The following PIP5K1C variants were observed in gnomAD, a reference collection of about 807,000 sequenced individuals.
PIP5K1C encodes phosphatidylinositol-4-phosphate 5-kinase type 1 gamma, also known as phosphatidylinositol 4-phosphate 5-kinase type-1 gamma.
PIP5K1C carries 45 observed loss-of-function variants against 80.1 expected under a neutral mutation model. The observed-to-expected ratio is 0.56, with a 90% CI of 0.44 to 0.72. The LOEUF is 0.72. PIP5K1C is among the 30% of genes least tolerant of loss of function. The pLI is 0.00. For synonymous variants in PIP5K1C, 498 were observed against 420.1 expected (o/e 1.19, Z -2.27); for missense variants, 753 against 954.6 (o/e 0.79, Z 2.78).
intron 16 of PIP5K1C, among the ~76,000 whole-genome samples, chr19:3,635,376 A>C (rs940241570): frequency 6.6e-6 from 1 of 152,006 alleles, no homozygotes; most frequent in Non-Finnish European, 1.5e-5. Context: ...GCGAAACCCT[A>C]TCTCTACTAA....
At position 3,687,318 on chromosome 19, in the gene PIP5K1C, C is replaced by T. The variant is rs535527012; in HGVS notation, c.94+12979G>A. On this transcript the variant is annotated intron_variant, in intron 1 of 17. Coordinates refer to ENST00000335312, the MANE Select transcript of PIP5K1C (RefSeq NM_012398.3). ...CGGAGGTTGCAGTGAGCCGAGACTG[C>T]GCCACTGCACTCCAGCCTGGGTGGC... Among the ~76,000 whole-genome samples, 14 of 150,996 alleles carry T rather than the reference C, an allele frequency of 9.3e-5. No homozygotes were observed. In the East Asian group the frequency reaches 1.4e-3, roughly 15 times the overall value.
intron 1 of PIP5K1C, among the ~76,000 whole-genome samples, chr19:3,697,404 G>C (rs1431941903): frequency 7.1e-5 from 10 of 141,242 alleles, no homozygotes; most frequent in Admixed American, 5.8e-4. Flanking sequence ...AGCTGGACCG[G>C]GGAGTACTCA....
chr19:3,681,232 CTT>C (rs532928248), intron 1 of PIP5K1C, among the ~76,000 whole-genome samples: 22 of 139,852 alleles, frequency 1.6e-4, no homozygotes, highest in Admixed American at 2.9e-4. Flanking sequence ...ACCCTGTCCA[CTT>C]TTTTTTTTTT....
rs1454019411 is a variant in PIP5K1C, at chr19:3,642,946, A to T, written c.1650-7T>A. On this transcript the variant is annotated splice_region_variant and splice_polypyrimidine_tract_variant and intron_variant, in intron 13 of 17. Transcript: ENST00000335312. The stretch of plus-strand genomic sequence containing the variant: ...AGACGACTGTGTGCGCCGCCTGCAG[A>T]GATACAGCAAACACGTGACACCCAG... 6.2e-7 allele frequency: 1 copy of T among 1,613,466 alleles called. No homozygotes were observed. The highest frequency in any genetic ancestry group is 1.1e-5 in the South Asian group (1 of 91,072).
At chr19:3,679,626 G>A (rs1423542052) in intron 1 of PIP5K1C, among the ~76,000 whole-genome samples, 1 of 152,176 alleles carries the variant, frequency 6.6e-6, no homozygotes, top group Non-Finnish European at 1.5e-5. Context: ...GGCTGGATCT[G>A]GGAGATCCAG....
intron 7 of PIP5K1C, 113 bp downstream of exon 7, chr19:3,653,177 A>G (rs1392279067): frequency 5.5e-6 from 5 of 916,254 alleles, no homozygotes; most frequent in Non-Finnish European, 8.4e-6. Flanking sequence ...TGTAGGCTGC[A>G]GGGCAGGTGG....
Position 3,641,800 on chromosome 19 carries a change from C to T in PIP5K1C, c.1692G>A (p.Glu564=), listed in dbSNP as rs2033973217. 3 of 1,611,586 alleles carry T rather than the reference C, an allele frequency of 1.9e-6. No homozygotes were observed. Among genetic ancestry groups the T allele is most frequent in the Non-Finnish European group, 8.5e-7 (1 of 1,179,874 alleles). The change falls in exon 15 of 18, where the codon GAG becomes GAA. Residue 564 remains glutamate (E), a synonymous_variant. Coordinates refer to ENST00000335312, the MANE Select transcript of PIP5K1C (RefSeq NM_012398.3). ...QSSGQDGRPQ[E]EPPAEEDLQQ... ...GCAGATCCTCTTCCGCGGGTGGCTC[C>T]TCCTGCGGCCTGCAGGCAATGGGAG...
At chr19:3,678,856 G>A (rs573197281) in intron 1 of PIP5K1C, among the ~76,000 whole-genome samples, 25 of 144,982 alleles carry the variant, frequency 1.7e-4, no homozygotes, top group East Asian at 4.3e-4. Context: ...AGGGATGGAG[G>A]GATGGCGGGA....
In PIP5K1C at chr19:3,645,974, A is replaced by G. The variant is rs1568318774; in HGVS notation, c.1345T>C (p.Ser449Pro). The part of the protein sequence containing the change: ...MSNTVFRKNS[S>P]LKSSPSKKGR... The stretch of plus-strand genomic sequence containing the variant: ...GCCTTGCGGGGCTCAGGTGGCTTAC[A>G]GGAGTTCTTCCGAAAGACCGTGTTG... The change falls in exon 11 of 18, where the codon TCC becomes CCC. Residue 449 changes from serine to proline, a missense_variant and splice_region_variant. By Grantham distance (74) the Ser-to-Pro change is moderately conservative. Around this residue, in one of 6 missense-constraint regions of PIP5K1C, gnomAD observed 114 missense variants for 152.4 expected, o/e 0.75. Coordinates refer to ENST00000335312, the MANE Select transcript of PIP5K1C (RefSeq NM_012398.3). 16 of 1,612,322 alleles carry G rather than the reference A, an allele frequency of 9.9e-6. No individual in the cohort carries two copies. Among genetic ancestry groups the G allele is most frequent in the East Asian group, 2.2e-5 (1 of 44,856 alleles).
intron 7 of PIP5K1C, among the ~76,000 whole-genome samples, chr19:3,652,951 G>C (rs2034503981): frequency 2.6e-5 from 4 of 152,182 alleles, no homozygotes; most frequent in African/African-American, 7.2e-5. Flanking sequence ...ACCCCCAAGG[G>C]CTGGGTCTGG....
chr19:3,694,312 G>A (rs2036036781), intron 1 of PIP5K1C, among the ~76,000 whole-genome samples: 1 of 152,062 alleles, frequency 6.6e-6, no homozygotes, highest in Admixed American at 6.5e-5. Flanking sequence ...ACCAGGCCCT[G>A]GGACCACCCT....
In PIP5K1C at chr19:3,648,537, C is replaced by A; in HGVS notation, c.1211+88G>T. The A allele has an allele frequency of 9.6e-7, 1 of 1,044,544 alleles. No individual in the cohort carries two copies. The highest frequency in any genetic ancestry group is 1.3e-5 in the South Asian group (1 of 79,066). 64.7% of individuals were successfully genotyped at this position (1,044,544 alleles called of 1,614,324 possible). ...CTGTGGGGCTGCAGACCCGGGCGCC[C>A]ACCTGTGGGGCTGCAGACCCGGGCG... is the stretch of plus-strand genomic sequence containing the variant. On this transcript the variant is annotated intron_variant, in intron 9 of 17. Coordinates refer to ENST00000335312, the MANE Select transcript of PIP5K1C (RefSeq NM_012398.3). This position sits in a 1 kb window ranked among gnomAD's most constrained non-coding sequence, Gnocchi z 4.3.
At chr19:3,679,180 TC>T (rs1358747569) in intron 1 of PIP5K1C, among the ~76,000 whole-genome samples, 2 of 152,064 alleles carry the variant, frequency 1.3e-5, no homozygotes, top group Non-Finnish European at 2.9e-5. Context: ...GTTTTCAAGC[TC>T]TGAAGAAACA....
chr19:3,650,528 C>T (rs1037008443), intron 8 of PIP5K1C, among the ~76,000 whole-genome samples: 23 of 152,212 alleles, frequency 1.5e-4, no homozygotes, highest in African/African-American at 5.1e-4. Flanking sequence ...AGGCCCGGGA[C>T]GCTGCTCAGC....
chr19:3,660,690 C>T (rs2034803695), intron 5 of PIP5K1C, among the ~76,000 whole-genome samples: 14 of 152,236 alleles, frequency 9.2e-5, no homozygotes, highest in Admixed American at 8.5e-4. Context: ...GACACCCTCG[C>T]CTGCTCTGAT....
At position 3,632,033 on chromosome 19, in the gene PIP5K1C, G is replaced by A. The variant is rs1432562307; in HGVS notation, c.*1134C>T. 1 of 152,296 alleles carries A rather than the reference G, an allele frequency of 6.6e-6. No individual in the cohort carries two copies. The highest frequency in any genetic ancestry group is 6.5e-5 in the Admixed American group (1 of 15,292). 9.4% of individuals were successfully genotyped at this position (152,296 alleles called of 1,614,324 possible). The stretch of plus-strand genomic sequence containing the variant: ...GCACCCTCTGAGCGCAGCGGGCCCA[G>A]GAAGCTGCCCCAGGGCAGTCTGGGC... On this transcript the variant is annotated 3_prime_UTR_variant, in exon 18 of 18. Transcript: ENST00000335312.
At chr19:3,642,246 G>A (rs1260729706) in intron 14 of PIP5K1C, among the ~76,000 whole-genome samples, 3 of 152,204 alleles carry the variant, frequency 2.0e-5, no homozygotes, top group Admixed American at 6.5e-5. Flanking sequence ...TTCACCAGGC[G>A]GCAGCGATTA....
At chr19:3,663,460 A>G (rs936076660) in intron 3 of PIP5K1C, among the ~76,000 whole-genome samples, 4 of 152,158 alleles carry the variant, frequency 2.6e-5, no homozygotes, top group Admixed American at 1.3e-4. Flanking sequence ...CATGTGCCCA[A>G]AGATAACATA....
chr19:3,693,828 T>C (rs536180809), intron 1 of PIP5K1C, among the ~76,000 whole-genome samples: 796 of 151,834 alleles, frequency 5.2e-3, no homozygotes, highest in Non-Finnish European at 6.6e-3. Context: ...CTTTGGGAGG[T>C]GGAGGCAGGA....
Sources: gnomAD v4.1 joint callset for allele counts (sites outside exome capture counted in the v4.1 genomes callset) on GRCh38, gnomAD v4.1.1 for gene constraint, gnomAD v4.1.1 regional missense constraint, Gnocchi (gnomAD v3.1) non-coding constraint, MANE v1.5 for transcripts, NCBI Gene and HGNC (gene_info 2026-07-23, HGNC 2026-07-21) for gene names.